The following PRKCE variants were observed in gnomAD, a reference collection of about 807,000 sequenced individuals.
PRKCE encodes the protein protein kinase C epsilon.
In PRKCE, 16 loss-of-function variants were observed where a neutral mutation model predicts 85.4. That is an observed-to-expected ratio of 0.19 (90% CI 0.13 to 0.28). The LOEUF is 0.28. PRKCE is among the 10% of genes least tolerant of loss of function. PRKCE has a pLI of 1.00. For missense variants in PRKCE, 573 were observed against 975.2 expected, an observed-to-expected ratio of 0.59 and a Z score of 5.49; for synonymous variants, 388 against 371.5, an observed-to-expected ratio of 1.04 and a Z score of -0.51.
chr2:45,894,575 G>A (rs905636405), intron 2 of PRKCE, among the ~76,000 whole-genome samples: 1 of 152,032 alleles, frequency 6.6e-6, no homozygotes, highest in African/African-American at 2.4e-5. Context: ...ACTCTAGGAT[G>A]AGGGTTGGTG....
chr2:45,935,848 C>A (rs566421750), intron 2 of PRKCE, among the ~76,000 whole-genome samples: 3 of 152,106 alleles, frequency 2.0e-5, no homozygotes, highest in Admixed American at 2.0e-4. Context: ...TAGATGCCTT[C>A]TCTTCTGGTT....
chr2:45,719,514 G>A (rs1021764877), intron 1 of PRKCE, among the ~76,000 whole-genome samples: 5 of 152,270 alleles, frequency 3.3e-5, no homozygotes, highest in Middle Eastern at 3.4e-3. Flanking sequence ...AAGCAATGGC[G>A]GGCAGTTGGC....
intron 1 of PRKCE, among the ~76,000 whole-genome samples, chr2:45,660,639 G>C (rs1276211033): frequency 6.6e-6 from 1 of 152,116 alleles, no homozygotes; most frequent in Non-Finnish European, 1.5e-5. Context: ...AGCTTCCAGG[G>C]GTTTCACTTA....
intron 11 of PRKCE, among the ~76,000 whole-genome samples, chr2:46,114,589 TTG>T (rs1234561089): frequency 2.6e-5 from 4 of 151,668 alleles, no homozygotes; most frequent in Non-Finnish European, 4.4e-5. Context: ...GGCTAATTTT[TTG>T]TGTTTTTTTA....
At chr2:45,794,400 G>A (rs1407352667) in intron 1 of PRKCE, among the ~76,000 whole-genome samples, 1 of 152,092 alleles carries the variant, frequency 6.6e-6, no homozygotes, top group East Asian at 1.9e-4. Flanking sequence ...GCATTGACGG[G>A]GCAGACAGGA....
chr2:46,009,684 T>C (rs1472197525), intron 9 of PRKCE, among the ~76,000 whole-genome samples: 3 of 152,226 alleles, frequency 2.0e-5, no homozygotes, highest in Admixed American at 6.5e-5. Context: ...GAAATTGTTT[T>C]AATTGTGTAC....
chr2:45,780,640 G>A (rs541468007), intron 1 of PRKCE, among the ~76,000 whole-genome samples: 1 of 152,334 alleles, frequency 6.6e-6, no homozygotes, highest in African/African-American at 2.4e-5. Flanking sequence ...CCAAACCTCT[G>A]TAGGGTTGGC....
chr2:45,844,533 G>GA (rs1691623917), intron 2 of PRKCE, among the ~76,000 whole-genome samples: 1 of 152,244 alleles, frequency 6.6e-6, no homozygotes, highest in African/African-American at 2.4e-5. Context: ...GCAGTGAGGT[G>GA]AAGCCTTGTC....
intron 10 of PRKCE, among the ~76,000 whole-genome samples, chr2:46,037,645 C>T (rs1020759274): frequency 2.0e-5 from 3 of 152,176 alleles, no homozygotes. Flanking sequence ...TTCAAGAAAA[C>T]AACCGCAACT....
Position 45,895,438 on chromosome 2 carries a change from G to C in PRKCE, c.412+52375G>C, listed in dbSNP as rs1345362962. Among the ~76,000 whole-genome samples the C allele has an allele frequency of 2.0e-5, 3 of 152,186 alleles. No homozygotes were observed. Among genetic ancestry groups the C allele is most frequent in the Non-Finnish European group, 4.4e-5 (3 of 68,040 alleles). ...CCTCTCCGCACCCTGATGTCATCTGGCTGGTCCCTGGATGGTGGGGATACA... is the reference window on the plus strand; with the variant it reads ...CCTCTCCGCACCCTGATGTCATCTGCCTGGTCCCTGGATGGTGGGGATACA... On this transcript the variant is annotated intron_variant, in intron 2 of 14. Coordinates refer to ENST00000306156, the MANE Select transcript of PRKCE (RefSeq NM_005400.3). The surrounding 1 kb of genome is among the most constrained non-coding windows in gnomAD (Gnocchi z 4.8).
chr2:45,939,421 T>TA (rs1195829731), intron 2 of PRKCE, among the ~76,000 whole-genome samples: 1 of 152,210 alleles, frequency 6.6e-6, no homozygotes, highest in African/African-American at 2.4e-5. Context: ...CATCATTTCA[T>TA]ACCGTATTCT....
intron 14 of PRKCE, among the ~76,000 whole-genome samples, chr2:46,169,141 G>C (rs1314561023): frequency 2.0e-5 from 3 of 152,156 alleles, no homozygotes; most frequent in African/African-American, 7.2e-5. Flanking sequence ...GAGGACCTTT[G>C]ATCTCCAGAG....
At chr2:46,069,915 G>A (rs959833843) in intron 10 of PRKCE, among the ~76,000 whole-genome samples, 2 of 152,180 alleles carry the variant, frequency 1.3e-5, no homozygotes, top group African/African-American at 2.4e-5. Flanking sequence ...TCTTAAGGTT[G>A]AAATCCTAAC....
chr2:45,832,015 C>A (rs1450562978), intron 1 of PRKCE, among the ~76,000 whole-genome samples: 2 of 152,060 alleles, frequency 1.3e-5, no homozygotes. Flanking sequence ...GCATTTCTGA[C>A]TCCTAAATTT....
At chr2:46,183,507 G>A (rs759995108) in intron 14 of PRKCE, among the ~76,000 whole-genome samples, 1 of 152,150 alleles carries the variant, frequency 6.6e-6, no homozygotes, top group Non-Finnish European at 1.5e-5. Flanking sequence ...AAAAAGTATT[G>A]CTGGAGTCCC....
chr2:45,670,822 C>A (rs1676124182), intron 1 of PRKCE, among the ~76,000 whole-genome samples: 1 of 152,176 alleles, frequency 6.6e-6, no homozygotes, highest in Non-Finnish European at 1.5e-5. Flanking sequence ...TTCTGAGAAA[C>A]CTGCCTGACT....
At chr2:45,806,325 AC>A (rs1487381000) in intron 1 of PRKCE, among the ~76,000 whole-genome samples, 4 of 151,952 alleles carry the variant, frequency 2.6e-5, no homozygotes, top group African/African-American at 9.7e-5. Flanking sequence ...GCTGCCCTTA[AC>A]CCACCCGCTC....
chr2:45,946,756 G>A (rs1352431912), intron 2 of PRKCE, among the ~76,000 whole-genome samples: 1 of 152,210 alleles, frequency 6.6e-6, no homozygotes, highest in African/African-American at 2.4e-5. Context: ...TGGGATTTTG[G>A]TGGAAAGAAA....
In PRKCE at chr2:46,044,106, A is replaced by T. The variant is rs191087505; in HGVS notation, c.1437+33589A>T. On this transcript the variant is annotated intron_variant, in intron 10 of 14. Transcript: ENST00000306156. Reference sequence around the variant, plus strand: ...TCACCAACTATGCAAATTCAATTCAATTCTGTATTGTAAAAGTACGCACTG... The same window carrying T: ...TCACCAACTATGCAAATTCAATTCATTTCTGTATTGTAAAAGTACGCACTG... Among the ~76,000 whole-genome samples, 122 of 152,360 alleles carry T rather than the reference A, an allele frequency of 8.0e-4. 1 individual carries two copies. The highest frequency in any genetic ancestry group is 1.5e-3 in the Non-Finnish European group (101 of 68,034).
Sources: allele counts gnomAD v4.1 joint callset (sites outside exome capture counted in the v4.1 genomes callset), GRCh38; gene constraint gnomAD v4.1.1; non-coding constraint Gnocchi (gnomAD v3.1); transcripts MANE v1.5; gene names NCBI Gene and HGNC (gene_info 2026-07-23, HGNC 2026-07-21).